The following GGNBP2 variants were observed in gnomAD, a reference collection of about 807,000 sequenced individuals.
GGNBP2 encodes gametogenetin binding protein 2, also known as gametogenetin-binding protein 2.
A neutral mutation model predicts 85.9 loss-of-function variants in GGNBP2; 10 were observed. The observed-to-expected ratio is 0.12, with a 90% confidence interval of 0.07 to 0.20. The LOEUF (loss-of-function observed/expected upper bound fraction) is 0.20, where lower values mean the gene tolerates loss of function less well. Ranked by LOEUF, GGNBP2 falls within the 10% of genes least tolerant of loss-of-function variation. The pLI is 1.00. For synonymous variants in GGNBP2, 287 were observed against 285.7 expected, an observed-to-expected ratio of 1.00 and a Z score of -0.05; for missense variants, 595 against 857.8, an observed-to-expected ratio of 0.69 and a Z score of 3.83.
Position 36,589,760 on chromosome 17 carries a change from A to AC in GGNBP2, c.*350dup, listed in dbSNP as rs2074740104. 1 of 233,078 alleles carries AC rather than the reference A, an allele frequency of 4.3e-6. No homozygotes were observed. Among genetic ancestry groups the AC allele is most frequent in the African/African-American group, 2.3e-5 (1 of 44,210 alleles). 14.4% of individuals were successfully genotyped at this position (233,078 alleles called of 1,614,324 possible). On this transcript the variant is annotated 3_prime_UTR_variant, in exon 14 of 14. Coordinates refer to ENST00000613102, the MANE Select transcript of GGNBP2 (RefSeq NM_024835.5). Reference sequence around the variant, plus strand: ...CTGAATATATGGTTTTACAAAGTAGACATCCACTTGCAAAATGTTTGGATG... The same window carrying AC: ...CTGAATATATGGTTTTACAAAGTAGACCATCCACTTGCAAAATGTTTGGATG...
At chr17:36,550,947 A>G (rs1162961251) in intron 2 of GGNBP2, among the ~76,000 whole-genome samples, 1 of 152,216 alleles carries the variant, frequency 6.6e-6, no homozygotes, top group Non-Finnish European at 1.5e-5. Context: ...ACTGAACAGC[A>G]TATAGTGATT....
chr17:36,588,602 TTA>T (rs1474419105), intron 13 of GGNBP2, among the ~76,000 whole-genome samples: 29 of 150,986 alleles, frequency 1.9e-4, no homozygotes, highest in African/African-American at 6.3e-4. Context: ...TAATATTTAT[TTA>T]TTTTTTTTTT....
intron 6 of GGNBP2, among the ~76,000 whole-genome samples, chr17:36,576,379 CTG>C (rs1440443342): frequency 1.2e-5 from 1 of 85,824 alleles, no homozygotes; most frequent in African/African-American, 5.1e-5. Context: ...TGGCGAAACC[CTG>C]TCTCTACTAA....
chr17:36,559,321 A>AT (rs2074394642), intron 4 of GGNBP2, among the ~76,000 whole-genome samples: 1 of 148,824 alleles, frequency 6.7e-6, no homozygotes, highest in Non-Finnish European at 1.5e-5. Context: ...AAAAAAAAAA[A>AT]GAATGGGCAA....
intron 4 of GGNBP2, among the ~76,000 whole-genome samples, chr17:36,559,954 C>T (rs2074400959): frequency 6.6e-6 from 1 of 152,136 alleles, no homozygotes; most frequent in Admixed American, 6.5e-5. Flanking sequence ...CGTGCCTCAG[C>T]CTCCTGAGAA....
intron 12 of GGNBP2, chr17:36,586,418 T>C: frequency 1.8e-6 from 1 of 554,272 alleles, no homozygotes; most frequent in South Asian, 2.4e-5. Flanking sequence ...AGAAATTCAA[T>C]TGTTCTTTTT....
intron 6 of GGNBP2, among the ~76,000 whole-genome samples, chr17:36,568,390 G>A (rs2074489348): frequency 6.6e-6 from 1 of 151,682 alleles, no homozygotes; most frequent in African/African-American, 2.4e-5. Context: ...TCCGCCTCCC[G>A]CGTTCCAGCG....
At chr17:36,566,118 C>G (rs1395461387) in intron 5 of GGNBP2, among the ~76,000 whole-genome samples, 1 of 152,200 alleles carries the variant, frequency 6.6e-6, no homozygotes, top group Non-Finnish European at 1.5e-5. Context: ...TTTTCCGTCT[C>G]TGGCGTCCAA....
intron 4 of GGNBP2, among the ~76,000 whole-genome samples, chr17:36,559,867 C>T (rs180807877): frequency 6.6e-6 from 1 of 152,224 alleles, no homozygotes; most frequent in Admixed American, 6.5e-5. Flanking sequence ...GACAAAGTCT[C>T]ACTCTGTCTC....
intron 9 of GGNBP2, among the ~76,000 whole-genome samples, chr17:36,583,542 TCCTC>T (rs1234095815): frequency 1.3e-5 from 2 of 151,864 alleles, no homozygotes; most frequent in Non-Finnish European, 2.9e-5. Flanking sequence ...CACCGTAACT[TCCTC>T]CTCCTGGGTT....
Position 36,589,376 on chromosome 17 carries a change from T to TGTA in GGNBP2, c.2062_2064dup (p.Ser688dup). 6.2e-7 allele frequency: 1 copy of TGTA among 1,614,062 alleles called. No homozygotes were observed. The highest frequency in any genetic ancestry group is 8.5e-7 in the Non-Finnish European group (1 of 1,179,946). ...GTTAAATGATCACAAGAGGCCCATT[T>TGTA]GTAGTGGCTGGTTGACAACGGCTGG... On this transcript the variant is annotated inframe_insertion, in exon 14 of 14. Transcript: ENST00000613102.
chr17:36,575,029 G>A (rs903660624), intron 6 of GGNBP2: 10 of 1,501,522 alleles, frequency 6.7e-6, no homozygotes, highest in Admixed American at 2.0e-5. Flanking sequence ...TCAAAACCTC[G>A]TCCTTGAGAG....
chr17:36,550,533 G>A (rs961294454), intron 2 of GGNBP2, among the ~76,000 whole-genome samples: 1 of 152,166 alleles, frequency 6.6e-6, no homozygotes, highest in Non-Finnish European at 1.5e-5. Context: ...TAGCTGTGTG[G>A]AGTAAAACCA....
In GGNBP2 at chr17:36,560,512, A is replaced by G. The variant is rs574650211; in HGVS notation, c.429-261A>G. ...GTGATCCTTTCACCTCGGCCTCCCA[A>G]ATAGCCGGGACTACAGGTGTGTGCT... On this transcript the variant is annotated intron_variant, in intron 4 of 13. Coordinates refer to ENST00000613102, the MANE Select transcript of GGNBP2 (RefSeq NM_024835.5). 9.2e-5 allele frequency among the ~76,000 whole-genome samples: 14 copies of G among 152,282 alleles called. No individual in the cohort carries two copies. The South Asian group carries it at 2.7e-3, about 29-fold the overall frequency.
intron 5 of GGNBP2, among the ~76,000 whole-genome samples, chr17:36,561,132 T>C (rs1367074373): frequency 1.3e-5 from 2 of 152,154 alleles, no homozygotes; most frequent in Non-Finnish European, 2.9e-5. Context: ...CTTTTTTTTT[T>C]TCTTTTTTTG....
intron 2 of GGNBP2, among the ~76,000 whole-genome samples, chr17:36,548,975 A>G (rs1044894580): frequency 1.8e-4 from 28 of 152,056 alleles, no homozygotes; most frequent in Non-Finnish European, 3.2e-4. Flanking sequence ...CTTTTATGTG[A>G]TATGTTGTGT....
At chr17:36,575,166 C>A in intron 6 of GGNBP2, 1 of 663,524 alleles carries the variant, frequency 1.5e-6, no homozygotes, top group Non-Finnish European at 2.7e-6. Context: ...GGCATCCACT[C>A]TTTATCCTCG....
chr17:36,567,191 G>C (rs1019572188), intron 5 of GGNBP2, among the ~76,000 whole-genome samples: 1 of 151,524 alleles, frequency 6.6e-6, no homozygotes, highest in Non-Finnish European at 1.5e-5. Flanking sequence ...TTATTAACCA[G>C]TTGCTCTCTT....
intron 2 of GGNBP2, among the ~76,000 whole-genome samples, chr17:36,552,125 A>T (rs1020082769): frequency 6.6e-6 from 1 of 152,220 alleles, no homozygotes; most frequent in Non-Finnish European, 1.5e-5. Flanking sequence ...ATGAAAATAT[A>T]AATCAAGGTA....
Sources: allele counts gnomAD v4.1 joint callset (sites outside exome capture counted in the v4.1 genomes callset), GRCh38; gene constraint gnomAD v4.1.1; transcripts MANE v1.5; gene names NCBI Gene and HGNC (gene_info 2026-07-23, HGNC 2026-07-21).